The following SCAI variants were observed in gnomAD, a reference collection of about 807,000 sequenced individuals.
The protein encoded by SCAI is suppressor of cancer cell invasion.
Under a neutral mutation model 92.2 loss-of-function variants are expected in SCAI, and 24 were observed. The ratio of observed to expected loss-of-function variants is 0.26; its 90% CI spans 0.19 to 0.37. The LOEUF is 0.37. Among genes scored for constraint, SCAI ranks in the 10% least tolerant of loss-of-function variants. SCAI has a pLI of 1.00. For missense variants in SCAI, 450 were observed against 736.2 expected, an observed-to-expected ratio of 0.61 and a Z score of 4.50; for synonymous variants, 261 against 258.6, an observed-to-expected ratio of 1.01 and a Z score of -0.09.
chr9:125,082,456 C>T (rs1834240734), intron 2 of SCAI, among the ~76,000 whole-genome samples: 1 of 152,204 alleles, frequency 6.6e-6, no homozygotes. Context: ...ACACAGAGTC[C>T]CTACTTGGGC....
chr9:125,141,630 C>T (rs1483982031), intron 2 of SCAI, among the ~76,000 whole-genome samples: 2 of 152,156 alleles, frequency 1.3e-5, no homozygotes, highest in African/African-American at 4.8e-5. Context: ...CAGTGTCCAA[C>T]GACAAAAGAT....
chr9:125,028,339 T>C (rs1833003405), intron 5 of SCAI, 53 bp downstream of exon 5: 2 of 985,046 alleles, frequency 2.0e-6, no homozygotes, highest in Admixed American at 3.9e-5. Context: ...TACTTCTGCA[T>C]GCTGTGTTTT....
At chr9:125,108,644 CCG>C in intron 2 of SCAI, among the ~76,000 whole-genome samples, 3 of 150,374 alleles carry the variant, frequency 2.0e-5, no homozygotes, top group Non-Finnish European at 4.4e-5. Flanking sequence ...GGCAGCCGCC[CCG>C]TCTGAGAAGT....
Position 125,143,439 on chromosome 9 carries a change from C to T in SCAI, c.-2G>A, listed in dbSNP as rs1354085219. 1.4e-6 allele frequency: 2 copies of T among 1,385,996 alleles called. No individual in the cohort carries two copies. The highest frequency in any genetic ancestry group is 1.5e-5 in the African/African-American group (1 of 66,630). The allele number at this position is 1,385,996 out of a possible 1,614,324, so 85.9% of individuals were successfully genotyped here. On this transcript the variant is annotated 5_prime_UTR_variant, in exon 1 of 18. Transcript: ENST00000336505. Reference sequence around the variant, plus strand: ...GGGCTGCCGGGCTCCTCTGACCATCCGGCTCCTGCTCCGCCGCGGGAGCTG... The same window carrying T: ...GGGCTGCCGGGCTCCTCTGACCATCTGGCTCCTGCTCCGCCGCGGGAGCTG...
At chr9:125,067,590 A>G (rs1237931717) in intron 2 of SCAI, among the ~76,000 whole-genome samples, 2 of 152,178 alleles carry the variant, frequency 1.3e-5, no homozygotes, top group African/African-American at 2.4e-5. Flanking sequence ...AGAAGGAACC[A>G]ATTCTGCAAC....
chr9:125,095,430 ACTAAAAAACAAAGCATATCC>A (rs1588216151), intron 2 of SCAI, among the ~76,000 whole-genome samples: 1 of 152,350 alleles, frequency 6.6e-6, no homozygotes, highest in South Asian at 2.1e-4. Context: ...TGCTTATTAA[ACTAAAAAACAAAGCATATCC>A]CTATAAAACA....
chr9:124,958,098 T>C (rs892226253), intron 17 of SCAI, among the ~76,000 whole-genome samples: 1 of 152,170 alleles, frequency 6.6e-6, no homozygotes, highest in Non-Finnish European at 1.5e-5. Flanking sequence ...AAACTAAACA[T>C]ATAAGTAAAT....
chr9:125,105,967 C>T (rs1254827909), intron 2 of SCAI, among the ~76,000 whole-genome samples: 4 of 149,274 alleles, frequency 2.7e-5, no homozygotes, highest in African/African-American at 7.4e-5. Flanking sequence ...TGTGGTGGTG[C>T]GGGCCTGTAG....
intron 17 of SCAI, among the ~76,000 whole-genome samples, chr9:124,962,806 C>CT (rs575698965): frequency 0.029 from 4,208 of 143,484 alleles, 96 homozygotes; most frequent in African/African-American, 0.064. Flanking sequence ...CTTTCTTTTT[C>CT]TTTTTTTTTT....
chr9:125,138,657 G>A (rs564096007), intron 2 of SCAI, among the ~76,000 whole-genome samples: 4 of 152,088 alleles, frequency 2.6e-5, no homozygotes, highest in South Asian at 2.1e-4. Context: ...CTTGTGATCC[G>A]CCCGCCTTGG....
At chr9:124,981,458 T>A (rs566543301) in intron 14 of SCAI, among the ~76,000 whole-genome samples, 2 of 152,330 alleles carry the variant, frequency 1.3e-5, no homozygotes, top group East Asian at 1.9e-4. Context: ...AGGCATTCTC[T>A]TTTTCTTATT....
chr9:125,055,271 G>A (rs1833638369), intron 3 of SCAI, among the ~76,000 whole-genome samples: 1 of 151,904 alleles, frequency 6.6e-6, no homozygotes, highest in Non-Finnish European at 1.5e-5. Context: ...CTTCTAACTG[G>A]TACTAAGCTA....
intron 3 of SCAI, among the ~76,000 whole-genome samples, chr9:125,031,545 G>C (rs770813166): frequency 2.0e-4 from 31 of 151,930 alleles, no homozygotes; most frequent in Non-Finnish European, 4.0e-4. Context: ...CACCACGCCC[G>C]GCCACTTTTT....
intron 3 of SCAI, among the ~76,000 whole-genome samples, chr9:125,040,047 C>A (rs577955040): frequency 2.1e-4 from 32 of 152,314 alleles, no homozygotes; most frequent in African/African-American, 7.5e-4. Context: ...TTATTCCCCA[C>A]AAACACCACC....
At chr9:125,137,769 T>C (rs938283179) in intron 2 of SCAI, among the ~76,000 whole-genome samples, 2 of 151,910 alleles carry the variant, frequency 1.3e-5, no homozygotes, top group African/African-American at 4.8e-5. Flanking sequence ...CCCGGCTAAT[T>C]TTTTGTATTT....
Position 125,055,864 on chromosome 9 carries a change from G to C in SCAI, c.230+12C>G. 6.3e-7 allele frequency: 1 copy of C among 1,581,610 alleles called. No individual in the cohort carries two copies. Among genetic ancestry groups the C allele is most frequent in the Non-Finnish European group, 8.6e-7 (1 of 1,168,688 alleles). ...ACTAAAGAAAAGTTCAAAACACCAA[G>C]AGTCCACTCACCTTAACCCATTGAA... On this transcript the variant is annotated intron_variant, in intron 3 of 17. Transcript: ENST00000336505.
chr9:125,122,202 T>C (rs924688954), intron 2 of SCAI, among the ~76,000 whole-genome samples: 1 of 152,246 alleles, frequency 6.6e-6, no homozygotes, highest in Admixed American at 6.5e-5. Context: ...TGCTTTCGGT[T>C]GGACTGAGTA....
chr9:125,076,452 T>C (rs1435097012), intron 2 of SCAI, among the ~76,000 whole-genome samples: 1 of 151,914 alleles, frequency 6.6e-6, no homozygotes, highest in Non-Finnish European at 1.5e-5. Flanking sequence ...TGAGCCAAGA[T>C]TGCACCACTG....
chr9:124,964,159 C>T (rs1369320931), intron 17 of SCAI, among the ~76,000 whole-genome samples: 2 of 152,140 alleles, frequency 1.3e-5, no homozygotes, highest in Non-Finnish European at 2.9e-5. Context: ...ATAATCTAAA[C>T]CCTTCTGCTG....
Sources: allele counts gnomAD v4.1 joint callset (sites outside exome capture counted in the v4.1 genomes callset), GRCh38; gene constraint gnomAD v4.1.1; transcripts MANE v1.5; gene names NCBI Gene and HGNC (gene_info 2026-07-23, HGNC 2026-07-21).